Variants in MYO7B observed in about 807,000 individuals in gnomAD.
MYO7B encodes the protein unconventional myosin-VIIb.
In MYO7B, 212 loss-of-function variants were observed where a neutral mutation model predicts 259.7. The ratio of observed to expected loss-of-function variants is 0.82; its 90% CI spans 0.73 to 0.91. The LOEUF is 0.91. Among genes scored for constraint, MYO7B ranks in the 40% least tolerant of loss-of-function variants. MYO7B has a pLI of 0.00. For synonymous variants in MYO7B, 1,197 were observed against 1,166.4 expected (o/e 1.03, Z -0.54); for missense variants, 2,732 against 2,813.5 (o/e 0.97, Z 0.66).
chr2:127,584,873 C>T lies in MYO7B; in HGVS notation c.1650C>T (p.Gly550=). The T allele has an allele frequency of 6.2e-7, 1 of 1,613,934 alleles. No homozygotes were observed. Among genetic ancestry groups the T allele is most frequent in the Non-Finnish European group, 8.5e-7 (1 of 1,179,888 alleles). ...AGAACATCCACGATGCCAGATTTGG[C>T]ATTGCCCATTTTGCCGGCGAGGTGT... ...QPKNIHDARF[G]IAHFAGEVYY... is the part of the protein sequence containing the mutation. Residue 550 remains glycine (G), a synonymous_variant, in exon 14 of 48, where the codon GGC becomes GGT. Coordinates refer to ENST00000409816, the MANE Select transcript of MYO7B (RefSeq NM_001393586.1). The surrounding 1 kb of genome is among the most constrained non-coding windows in gnomAD (Gnocchi z 5.8).
At chr2:127,599,140 C>T (rs911265239) in intron 19 of MYO7B, among the ~76,000 whole-genome samples, 1 of 152,166 alleles carries the variant, frequency 6.6e-6, no homozygotes, top group Non-Finnish European at 1.5e-5. Flanking sequence ...GCTTGTATAG[C>T]AATTTGAGAA....
intron 2 of MYO7B, among the ~76,000 whole-genome samples, chr2:127,561,688 A>T (rs536557710): frequency 6.6e-6 from 1 of 152,266 alleles, no homozygotes; most frequent in East Asian, 1.9e-4. Flanking sequence ...AACAGATAAG[A>T]AAGTTAAGGT....
Position 127,631,302 on chromosome 2 carries a change from G to A in MYO7B, c.5034G>A (p.Pro1678=), listed in dbSNP as rs747288943. 2.4e-5 allele frequency: 39 copies of A among 1,612,280 alleles called. No individual in the cohort carries two copies. Among genetic ancestry groups the A allele is most frequent in the Middle Eastern group, 1.6e-4 (1 of 6,062 alleles). ...WAYSCEPLRQ[P]LLKRVHANVD... ...ATTCCTGCGAGCCGCTGCGACAGCC[G>A]CTGCTCAAGCGAGTCCACGCCAACG... The change falls in exon 37 of 48, where the codon CCG becomes CCA. Residue 1678 remains proline, a synonymous_variant. Coordinates refer to ENST00000409816, the MANE Select transcript of MYO7B (RefSeq NM_001393586.1).
intron 1 of MYO7B, among the ~76,000 whole-genome samples, chr2:127,547,621 T>C (rs1019842): frequency 0.87 from 131,600 of 152,128 alleles, 57,075 homozygotes; most frequent in East Asian, 1. Context: ...CATGACACGG[T>C]CAACTTTTGC....
Position 127,628,473 on chromosome 2 carries a change from T to C in MYO7B, c.4562T>C (p.Phe1521Ser). The C allele has an allele frequency of 6.4e-7, 1 of 1,563,058 alleles. No individual in the cohort carries two copies. The change falls in exon 34 of 48, where the codon TTC becomes TCC. Residue 1521 changes from phenylalanine to serine, a missense_variant. Coordinates refer to ENST00000409816, the MANE Select transcript of MYO7B (RefSeq NM_001393586.1). The surrounding 1 kb of genome is among the most constrained non-coding windows in gnomAD (Gnocchi z 4.8). ...GCCATCGCTGAGCTGGTGGCCCTGT[T>C]CCTGGAGGGCCTGAAGGAGAGGTCC... is the stretch of plus-strand genomic sequence containing the variant. ...SVAIAELVAL[F>S]LEGLKERSIF... is the part of the protein sequence containing the mutation.
chr2:127,581,872 C>T lies in MYO7B; in HGVS notation c.1081-19C>T, dbSNP rs767126646. ...GCCCTGCTCCACAGGTGCGACGCAG[C>T]CCCCACCTGCCTCCCCAGGTGCAGC... is the stretch of plus-strand genomic sequence containing the variant. On this transcript the variant is annotated intron_variant, in intron 10 of 47. Transcript: ENST00000409816. The T allele has an allele frequency of 1.9e-6, 3 of 1,613,042 alleles. No individual in the cohort carries two copies. The highest frequency in any genetic ancestry group is 1.7e-6 in the Non-Finnish European group (2 of 1,179,710).
chr2:127,596,563 G>C lies in MYO7B; in HGVS notation c.2339+7G>C. The C allele has an allele frequency of 6.2e-7, 1 of 1,605,746 alleles. No individual in the cohort carries two copies. Among genetic ancestry groups the C allele is most frequent in the Non-Finnish European group, 8.5e-7 (1 of 1,176,462 alleles). On this transcript the variant is annotated splice_region_variant and intron_variant, in intron 19 of 47. Coordinates refer to ENST00000409816, the MANE Select transcript of MYO7B (RefSeq NM_001393586.1). ...TTCGGGGCTACAGATACAGGTGCCG[G>C]CCCCACCCCAAGGCCCACCCAGCCT...
Position 127,628,552 on chromosome 2 carries a change from G to A in MYO7B, c.4624+17G>A, listed in dbSNP as rs1336486320. Reference sequence around the variant, plus strand: ...AGGCCACAGGTGCCAGACTGGGTGGGGTGGGGTGGGGTGGGGTGGGGTGGG... The same window carrying A: ...AGGCCACAGGTGCCAGACTGGGTGGAGTGGGGTGGGGTGGGGTGGGGTGGG... On this transcript the variant is annotated intron_variant, in intron 34 of 47. Transcript: ENST00000409816. This position sits in a 1 kb window ranked among gnomAD's most constrained non-coding sequence, Gnocchi z 4.8. 2 of 1,177,832 alleles carry A rather than the reference G, an allele frequency of 1.7e-6. No homozygotes were observed. Among genetic ancestry groups the A allele is most frequent in the Admixed American group, 2.3e-5 (1 of 43,834 alleles). The allele number at this position is 1,177,832 out of a possible 1,614,324, so 73.0% of individuals were successfully genotyped here.
chr2:127,574,412 C>T (rs368816059), intron 7 of MYO7B, among the ~76,000 whole-genome samples: 3 of 152,168 alleles, frequency 2.0e-5, no homozygotes, highest in East Asian at 1.9e-4. Flanking sequence ...CAGTGGCACA[C>T]GCCTGTAATC....
At chr2:127,541,681 T>A (rs1693009876) in intron 1 of MYO7B, among the ~76,000 whole-genome samples, 1 of 152,178 alleles carries the variant, frequency 6.6e-6, no homozygotes, top group Non-Finnish European at 1.5e-5. Context: ...TTGGTCAAAT[T>A]TGCTCATCTT....
At chr2:127,634,955 G>A in intron 42 of MYO7B, 165 bp from the exon 43 acceptor site, 1 of 660,738 alleles carries the variant, frequency 1.5e-6, no homozygotes, top group Non-Finnish European at 2.7e-6. Context: ...CCTGGAGAAG[G>A]CAGCCTCTAC....
At chr2:127,593,038 C>T (rs2104978290) in intron 17 of MYO7B, 92 bp downstream of exon 17, 7 of 1,458,364 alleles carry the variant, frequency 4.8e-6, no homozygotes, top group East Asian at 2.5e-5. Flanking sequence ...GGGGGTCTCC[C>T]GCTGCCCTCC....
chr2:127,591,682 T>C (rs1004605274), intron 16 of MYO7B, among the ~76,000 whole-genome samples: 1 of 152,336 alleles, frequency 6.6e-6, no homozygotes, highest in African/African-American at 2.4e-5. Context: ...TAACAGTGCC[T>C]GCTGGTGGGT....
At chr2:127,633,907 C>T (rs751106360) in intron 40 of MYO7B, among the ~76,000 whole-genome samples, 10 of 152,196 alleles carry the variant, frequency 6.6e-5, no homozygotes, top group Non-Finnish European at 1.5e-4. Context: ...ATTCGGGTCC[C>T]GGTAACAGGA....
At chr2:127,554,804 A>G (rs1002707648) in intron 1 of MYO7B, among the ~76,000 whole-genome samples, 8 of 152,024 alleles carry the variant, frequency 5.3e-5, no homozygotes, top group Non-Finnish European at 1.0e-4. Context: ...TCCTGATTTA[A>G]ATTAGGAGGG....
intron 29 of MYO7B, among the ~76,000 whole-genome samples, chr2:127,623,635 C>G (rs968389495): frequency 6.6e-6 from 1 of 152,178 alleles, no homozygotes; most frequent in Non-Finnish European, 1.5e-5. Context: ...CCTGGTCCCC[C>G]ACCCAGCAGC....
chr2:127,579,646 T>G (rs1679022765), intron 9 of MYO7B, among the ~76,000 whole-genome samples: 1 of 152,128 alleles, frequency 6.6e-6, no homozygotes, highest in Non-Finnish European at 1.5e-5. Flanking sequence ...AGTGCAGTGG[T>G]GGGATCTCGA....
In MYO7B at chr2:127,565,351, ACCTCCTGAT is replaced by A. The variant is rs1678288611; in HGVS notation, c.254_262del (p.Leu85_Ile87del). On this transcript the variant is annotated inframe_deletion, in exon 4 of 48. Transcript: ENST00000409816. ...CTGAACGAGGCAGGCATGGTGCACA[ACCTCCTGAT>A]CCGCTACCAGCAGCACAAGATCTAT... The A allele has an allele frequency of 2.5e-6, 4 of 1,613,908 alleles. No individual in the cohort carries two copies. The highest frequency in any genetic ancestry group is 3.4e-6 in the Non-Finnish European group (4 of 1,179,862).
chr2:127,587,640 C>G (rs1156830492), intron 14 of MYO7B, among the ~76,000 whole-genome samples: 3 of 149,208 alleles, frequency 2.0e-5, no homozygotes, highest in African/African-American at 5.0e-5. Flanking sequence ...GTGATCTCAG[C>G]TCACTGCAAC....
Sources: gnomAD v4.1 joint callset for allele counts (sites outside exome capture counted in the v4.1 genomes callset) on GRCh38, gnomAD v4.1.1 for gene constraint, Gnocchi (gnomAD v3.1) non-coding constraint, MANE v1.5 for transcripts, NCBI Gene and HGNC (gene_info 2026-07-23, HGNC 2026-07-21) for gene names.